The following RGS12 variants were observed in gnomAD, a reference collection of about 807,000 sequenced individuals.
RGS12 encodes regulator of G-protein signaling 12.
A neutral mutation model predicts 120.1 loss-of-function variants in RGS12; 66 were observed. That is an observed-to-expected ratio of 0.55 (90% confidence interval 0.45 to 0.67). The LOEUF (loss-of-function observed/expected upper bound fraction) is 0.67. Ranked by LOEUF, RGS12 falls within the 30% of genes least tolerant of loss-of-function variation. The pLI is 0.00. For synonymous variants in RGS12, 827 were observed against 804.7 expected (o/e 1.03, Z -0.47); for missense variants, 1,859 against 1,957.7 (o/e 0.95, Z 0.95).
intron 4 of RGS12, among the ~76,000 whole-genome samples, chr4:3,388,301 C>T (rs1251947222): frequency 6.6e-6 from 1 of 152,130 alleles, no homozygotes; most frequent in Non-Finnish European, 1.5e-5. Context: ...ATTTCAGGAA[C>T]CGCAGTGGGC....
intron 17 of RGS12, chr4:3,431,790 T>G: frequency 4.1e-6 from 4 of 985,776 alleles, no homozygotes; most frequent in Non-Finnish European, 4.8e-6. Context: ...TGTGGTTTGC[T>G]GCTGGGGGCG....
the RGS12 span, among the ~76,000 whole-genome samples, chr4:3,287,128 G>C: frequency 6.6e-6 from 1 of 152,314 alleles, no homozygotes; most frequent in African/African-American, 2.4e-5. Context: ...CCTGCTCACT[G>C]AACAGCGGAA....
intron 11 of RGS12, 90 bp downstream of exon 11, chr4:3,422,660 C>G (rs1042221597): frequency 3.9e-5 from 53 of 1,364,942 alleles, no homozygotes; most frequent in Non-Finnish European, 5.1e-5. Flanking sequence ...TCAGGCTGCC[C>G]CCTCCTGCGC....
intron 3 of RGS12, among the ~76,000 whole-genome samples, chr4:3,344,271 G>T (rs1713575086): frequency 6.6e-6 from 1 of 152,150 alleles, no homozygotes; most frequent in Non-Finnish European, 1.5e-5. Flanking sequence ...GGAACTCGAG[G>T]GCAGGTCAGG....
At chr4:3,329,230 A>T (rs1204893630) in intron 2 of RGS12, among the ~76,000 whole-genome samples, 1 of 152,140 alleles carries the variant, frequency 6.6e-6, no homozygotes, top group Non-Finnish European at 1.5e-5. Context: ...TTTGAGTTCC[A>T]TGGTGGCCCC....
intron 2 of RGS12, among the ~76,000 whole-genome samples, chr4:3,330,056 T>C (rs1008616654): frequency 6.6e-6 from 1 of 152,264 alleles, no homozygotes; most frequent in Non-Finnish European, 1.5e-5. Flanking sequence ...TCTTTCTTGC[T>C]GTGTGAGGAT....
intron 3 of RGS12, among the ~76,000 whole-genome samples, chr4:3,350,222 G>T (rs909831321): frequency 1.3e-5 from 2 of 152,164 alleles, no homozygotes; most frequent in Admixed American, 6.5e-5. Context: ...AAAGATAATT[G>T]TGTCTTTAGT....
chr4:3,410,592 T>C (rs570765040), intron 4 of RGS12, among the ~76,000 whole-genome samples: 1 of 152,322 alleles, frequency 6.6e-6, no homozygotes, highest in Admixed American at 6.5e-5. Context: ...AGTAGCCGGC[T>C]CTGGGCATTT....
intron 17 of RGS12, chr4:3,431,590 G>A: frequency 1.0e-6 from 1 of 985,622 alleles, no homozygotes; most frequent in Non-Finnish European, 1.2e-6. Flanking sequence ...AGGTGAACAG[G>A]ATGGCCTGGC....
intron 3 of RGS12, among the ~76,000 whole-genome samples, chr4:3,361,409 T>G (rs572319974): frequency 1.3e-4 from 20 of 152,292 alleles, no homozygotes; most frequent in Non-Finnish European, 2.8e-4. Context: ...GCAGCTTGAT[T>G]GTGAGTACTT....
rs1282025633 is a variant in RGS12 at position 3,318,005 on chromosome 4, T to C, written c.1835T>C (p.Ile612Thr). 1 of 1,611,262 alleles carries C rather than the reference T, an allele frequency of 6.2e-7. No homozygotes were observed. The part of the protein sequence containing the change: ...WSRKAFGMQS[I>T]FGPHRNVRKT... ...AGGAAGGCCTTTGGAATGCAAAGCA[T>C]TTTTGGTCCCCATCGAAATGTTCGA... Residue 612 changes from isoleucine (I) to threonine (T), a missense_variant, in exon 2 of 18, where the codon ATT (isoleucine) becomes ACT (threonine). This residue lies in a region of RGS12 where 967 missense variants were observed against 994.2 expected (regional missense o/e 0.97). Transcript: ENST00000336727.
chr4:3,363,629 C>T (rs1389787860), intron 3 of RGS12, among the ~76,000 whole-genome samples: 5 of 152,060 alleles, frequency 3.3e-5, no homozygotes, highest in African/African-American at 4.8e-5. Context: ...GCGTCCCGCT[C>T]ACCCGGCGCA....
At chr4:3,367,690 G>A (rs73795521) in intron 3 of RGS12, among the ~76,000 whole-genome samples, 1,752 of 152,304 alleles carry the variant, frequency 0.012, 36 homozygotes, top group African/African-American at 0.04. Flanking sequence ...TCTCCCAGGC[G>A]TGTTCTGGCC....
intron 4 of RGS12, among the ~76,000 whole-genome samples, chr4:3,393,969 G>A (rs1296863119): frequency 1.3e-5 from 2 of 152,128 alleles, no homozygotes; most frequent in Non-Finnish European, 2.9e-5. Context: ...GGGTCTATGG[G>A]GAAATGGCTG....
chr4:3,343,977 CT>C (rs1713533607), intron 3 of RGS12, among the ~76,000 whole-genome samples: 1 of 152,208 alleles, frequency 6.6e-6, no homozygotes, highest in Non-Finnish European at 1.5e-5. Flanking sequence ...TGATTGATGC[CT>C]TCCGCTATCG....
rs1013598473 is a variant in RGS12, at chr4:3,317,890, C to T, written c.1720C>T (p.Pro574Ser). The change falls in exon 2 of 18, where the codon CCT (proline) becomes TCT (serine). Residue 574 changes from proline to serine, a missense_variant. By Grantham distance (74) the Pro-to-Ser change is moderately conservative. This residue lies in a region of RGS12 where 967 missense variants were observed against 994.2 expected (regional missense o/e 0.97). Coordinates refer to ENST00000336727, the MANE Select transcript of RGS12 (RefSeq NM_001394154.1). ...WSSINCGTLP[P>S]PMSKIPADRY... The stretch of plus-strand genomic sequence containing the variant: ...CAGCATCAACTGCGGCACACTGCCC[C>T]CTCCTATGAGCAAGATCCCCGCAGA... The T allele has an allele frequency of 6.2e-7, 1 of 1,613,966 alleles. No homozygotes were observed. Among genetic ancestry groups the T allele is most frequent in the Non-Finnish European group, 8.5e-7 (1 of 1,179,982 alleles).
intron 1 of RGS12, among the ~76,000 whole-genome samples, chr4:3,303,361 A>G (rs1723789113): frequency 6.6e-6 from 1 of 152,174 alleles, no homozygotes; most frequent in African/African-American, 2.4e-5. Flanking sequence ...CTCCGACTGG[A>G]TGGGGACACA....
chr4:3,309,475 G>A (rs1392730536), intron 1 of RGS12, among the ~76,000 whole-genome samples: 4 of 136,666 alleles, frequency 2.9e-5, no homozygotes, highest in Non-Finnish European at 4.7e-5. Flanking sequence ...CCGCTGAGGG[G>A]AACCGTGTGG....
At chr4:3,422,776 G>A (rs986708097) in intron 11 of RGS12, 129 bp from the exon 12 acceptor site, 54 of 1,005,262 alleles carry the variant, frequency 5.4e-5, no homozygotes, top group Non-Finnish European at 7.0e-5. Context: ...AAGGGTGATC[G>A]CTTTCTTTGG....
Sources: allele counts gnomAD v4.1 joint callset (sites outside exome capture counted in the v4.1 genomes callset), GRCh38; gene constraint gnomAD v4.1.1; regional missense constraint gnomAD v4.1.1; transcripts MANE v1.5; gene names NCBI Gene and HGNC (gene_info 2026-07-23, HGNC 2026-07-21).